The following GAP43 variants were observed in gnomAD, a reference collection of about 807,000 sequenced individuals.
GAP43 encodes the protein growth associated protein 43, also known as neuromodulin.
In GAP43, 6 loss-of-function variants were observed where a neutral mutation model predicts 18.6. The observed-to-expected ratio is 0.32, with a 90% CI of 0.18 to 0.64. The LOEUF is 0.64. GAP43 is among the 30% of genes least tolerant of loss of function. The pLI is 0.78. For missense variants in GAP43, 292 were observed against 295.5 expected (o/e 0.99, Z 0.09); for synonymous variants, 115 against 111.4 (o/e 1.03, Z -0.20).
In GAP43 at chr3:115,721,013, C is replaced by G. The variant is rs1162187444; in HGVS notation, c.*131C>G. 4 of 446,972 alleles carry G rather than the reference C, an allele frequency of 8.9e-6. No individual in the cohort carries two copies. The highest frequency in any genetic ancestry group is 1.6e-5 in the Non-Finnish European group (4 of 245,708). 27.7% of individuals were successfully genotyped at this position (446,972 alleles called of 1,614,324 possible). On this transcript the variant is annotated 3_prime_UTR_variant, in exon 3 of 3. Transcript: ENST00000305124. The stretch of plus-strand genomic sequence containing the variant: ...GTCTGTGAGTCTGTCCTTTCCCACC[C>G]ACTAGCCCTCTTTCTCTCTGTGTGG...
chr3:115,642,005 G>T (rs896174336), intron 1 of GAP43, among the ~76,000 whole-genome samples: 1 of 152,126 alleles, frequency 6.6e-6, no homozygotes, highest in African/African-American at 2.4e-5. Context: ...AGTCCTTCAT[G>T]GTGCAGATGT....
chr3:115,676,630 A>T lies in GAP43; in HGVS notation c.628+20A>T. On this transcript the variant is annotated intron_variant, in intron 2 of 2. Transcript: ENST00000305124. ...ACATAGGTGAGCAACCGCGAGGGTC[A>T]GATGCAATGGGTGGATGGGGAAGGG... 6.5e-7 allele frequency: 1 copy of T among 1,543,904 alleles called. No homozygotes were observed. The highest frequency in any genetic ancestry group is 8.7e-7 in the Non-Finnish European group (1 of 1,149,882).
At chr3:115,679,209 A>G (rs530904018) in intron 2 of GAP43, among the ~76,000 whole-genome samples, 2 of 152,132 alleles carry the variant, frequency 1.3e-5, no homozygotes, top group Admixed American at 1.3e-4. Context: ...GGGGAAAAAT[A>G]GGTACAAAGA....
intron 1 of GAP43, among the ~76,000 whole-genome samples, chr3:115,633,245 A>T (rs902458224): frequency 6.6e-6 from 1 of 152,068 alleles, no homozygotes; most frequent in Non-Finnish European, 1.5e-5. Flanking sequence ...ACAGAGGGAG[A>T]GAGACAGAGA....
At chr3:115,650,880 G>A (rs1266364534) in intron 1 of GAP43, among the ~76,000 whole-genome samples, 1 of 152,130 alleles carries the variant, frequency 6.6e-6, no homozygotes, top group East Asian at 1.9e-4. Flanking sequence ...TGTAATCTCA[G>A]CACTTTGGAA....
intron 1 of GAP43, among the ~76,000 whole-genome samples, chr3:115,633,272 G>A (rs1183537063): frequency 6.6e-6 from 1 of 152,072 alleles, no homozygotes; most frequent in Admixed American, 6.6e-5. Flanking sequence ...GAATGAGGAT[G>A]AATGAATTTT....
chr3:115,650,458 G>A (rs753242315), intron 1 of GAP43, among the ~76,000 whole-genome samples: 1 of 151,970 alleles, frequency 6.6e-6, no homozygotes, highest in African/African-American at 2.4e-5. Flanking sequence ...AGTTTATTTC[G>A]GGTAGCCATC....
chr3:115,719,237 G>C (rs1482554482), intron 2 of GAP43, among the ~76,000 whole-genome samples: 1 of 151,064 alleles, frequency 6.6e-6, no homozygotes, highest in African/African-American at 2.4e-5. Flanking sequence ...TCCATTTTAA[G>C]ACAGAGGCAT....
chr3:115,657,491 G>A (rs1166891371), intron 1 of GAP43, among the ~76,000 whole-genome samples: 1 of 152,104 alleles, frequency 6.6e-6, no homozygotes, highest in Admixed American at 6.5e-5. Flanking sequence ...TTCAGTACCT[G>A]CTAAGTCCCA....
At chr3:115,702,039 T>C (rs1709303378) in intron 2 of GAP43, among the ~76,000 whole-genome samples, 1 of 152,102 alleles carries the variant, frequency 6.6e-6, no homozygotes. Context: ...GAGAGAATGT[T>C]AAGGCCAATC....
chr3:115,715,596 A>C (rs1189036786), intron 2 of GAP43, among the ~76,000 whole-genome samples: 2 of 152,212 alleles, frequency 1.3e-5, no homozygotes, highest in East Asian at 3.8e-4. Flanking sequence ...TTTGACACTC[A>C]CCATGATGAT....
At chr3:115,716,664 A>C (rs1362095189) in intron 2 of GAP43, among the ~76,000 whole-genome samples, 3 of 142,650 alleles carry the variant, frequency 2.1e-5, no homozygotes, top group African/African-American at 7.7e-5. Context: ...CAAAGCAAAT[A>C]TTTTGCTTAA....
chr3:115,646,474 T>A (rs184900014), intron 1 of GAP43, among the ~76,000 whole-genome samples: 35 of 152,220 alleles, frequency 2.3e-4, no homozygotes, highest in African/African-American at 8.4e-4. Context: ...CGGTTCATCT[T>A]GTTGATATGG....
At chr3:115,720,323 C>T (rs113545933) in intron 2 of GAP43, among the ~76,000 whole-genome samples, 2 of 152,192 alleles carry the variant, frequency 1.3e-5, no homozygotes, top group African/African-American at 4.8e-5. Flanking sequence ...CACTGTCCCA[C>T]AGGAGCTGAA....
At chr3:115,683,124 T>TGCGCGTGTGC (rs1185517951) in intron 2 of GAP43, among the ~76,000 whole-genome samples, 1 of 113,870 alleles carries the variant, frequency 8.8e-6, no homozygotes, top group Admixed American at 9.4e-5. Context: ...TACATACATG[T>TGCGCGTGTGC]GCGCGCGCGT....
chr3:115,636,178 C>A (rs1434037625), intron 1 of GAP43, among the ~76,000 whole-genome samples: 1 of 151,908 alleles, frequency 6.6e-6, no homozygotes, highest in African/African-American at 2.4e-5. Flanking sequence ...CTTTGTGGTT[C>A]CCTCAAAAAG....
At chr3:115,657,739 T>G (rs1708602078) in intron 1 of GAP43, among the ~76,000 whole-genome samples, 1 of 152,186 alleles carries the variant, frequency 6.6e-6, no homozygotes, top group South Asian at 2.1e-4. Flanking sequence ...TAATATATTT[T>G]GTAGACACAA....
chr3:115,698,310 A>AT (rs1347543094), intron 2 of GAP43, among the ~76,000 whole-genome samples: 28 of 83,898 alleles, frequency 3.3e-4, no homozygotes, highest in African/African-American at 1.3e-3. Context: ...TATATAAAAT[A>AT]TATATAATAT....
intron 2 of GAP43, among the ~76,000 whole-genome samples, chr3:115,688,709 T>C (rs1264669313): frequency 2.0e-5 from 3 of 152,170 alleles, no homozygotes; most frequent in African/African-American, 7.2e-5. Context: ...GTGATTAACA[T>C]CACAACGTGA....
Sources: allele counts gnomAD v4.1 joint callset (sites outside exome capture counted in the v4.1 genomes callset), GRCh38; gene constraint gnomAD v4.1.1; transcripts MANE v1.5; gene names NCBI Gene and HGNC (gene_info 2026-07-23, HGNC 2026-07-21).